The following NSD2 variants were observed in gnomAD, a reference collection of about 807,000 sequenced individuals.
The protein encoded by NSD2 is nuclear receptor binding SET domain protein 2, also known as histone-lysine N-methyltransferase NSD2.
A neutral mutation model predicts 139.0 loss-of-function variants in NSD2; 12 were observed. That is an observed-to-expected ratio of 0.09 (90% CI 0.06 to 0.14). NSD2 has a LOEUF of 0.14. Among genes scored for constraint, NSD2 ranks in the 10% least tolerant of loss-of-function variants. NSD2 has a pLI of 1.00. For synonymous variants in NSD2, 669 were observed against 648.7 expected (o/e 1.03, Z -0.48); for missense variants, 1,155 against 1,745.0 (o/e 0.66, Z 6.02).
At position 1,973,190 on chromosome 4, in the gene NSD2, CATCTGTAAGTCAGTTAAG is replaced by C. The variant is rs1424983020; in HGVS notation, c.3373-1670_3373-1653del. On this transcript the variant is annotated intron_variant, in intron 18 of 21. Transcript: ENST00000508803. This position sits in a 1 kb window ranked among gnomAD's most constrained non-coding sequence, Gnocchi z 5.5. Reference sequence around the variant, plus strand: ...TCTGATGTTTGGAATATCTAGGGAACATCTGTAAGTCAGTTAAGATAAATAAAACAGGGTCAAGACATG... The same window carrying C: ...TCTGATGTTTGGAATATCTAGGGAACATAAATAAAACAGGGTCAAGACATG... Among the ~76,000 whole-genome samples, 6 of 152,186 alleles carry C rather than the reference CATCTGTAAGTCAGTTAAG, an allele frequency of 3.9e-5. No individual in the cohort carries two copies. Among genetic ancestry groups the C allele is most frequent in the Non-Finnish European group, 7.3e-5 (5 of 68,040 alleles).
chr4:1,913,078 A>C (rs1169663884), intron 3 of NSD2, among the ~76,000 whole-genome samples: 1 of 152,248 alleles, frequency 6.6e-6, no homozygotes, highest in African/African-American at 2.4e-5. Flanking sequence ...AAATATTATA[A>C]CAATCTCTGT....
chr4:1,940,806 T>C lies in NSD2; in HGVS notation c.1881+1028T>C, dbSNP rs1183312988. On this transcript the variant is annotated intron_variant, in intron 9 of 21. Transcript: ENST00000508803. The stretch of plus-strand genomic sequence containing the variant: ...GGTGTGCCTCAGTTGTTTCCACTCA[T>C]TAGAGGAGTGTAGGCCTTCCAGTGC... The C allele has an allele frequency of 2.8e-6, 3 of 1,057,494 alleles. No individual in the cohort carries two copies. The East Asian group carries it at 1.6e-4, about 55-fold the overall frequency. The allele number at this position is 1,057,494 out of a possible 1,614,324, so 65.5% of individuals were successfully genotyped here.
intron 18 of NSD2, among the ~76,000 whole-genome samples, chr4:1,961,849 G>A (rs981676661): frequency 6.6e-6 from 1 of 152,198 alleles, no homozygotes; most frequent in Non-Finnish European, 1.5e-5. Context: ...GACTTCAGCT[G>A]GGGAAGTGTG....
chr4:1,933,297 A>G (rs1251155990), intron 6 of NSD2, among the ~76,000 whole-genome samples: 1 of 152,210 alleles, frequency 6.6e-6, no homozygotes. Flanking sequence ...GACCCTGTGG[A>G]GCTGAGCACT....
chr4:1,907,242 CACTTTT>C (rs1265561796), intron 3 of NSD2, among the ~76,000 whole-genome samples: 1 of 152,168 alleles, frequency 6.6e-6, no homozygotes, highest in Non-Finnish European at 1.5e-5. Flanking sequence ...TCATTATCCT[CACTTTT>C]ACTTTTAAAA....
chr4:1,938,165 A>G (rs1023759293), intron 7 of NSD2, among the ~76,000 whole-genome samples: 1 of 152,112 alleles, frequency 6.6e-6, no homozygotes, highest in South Asian at 2.1e-4. Context: ...GGCCCCACCC[A>G]CCTCGCCCTC....
In NSD2 at chr4:1,948,813, C is replaced by T; in HGVS notation, c.1882-2259C>T. Reference sequence around the variant, plus strand: ...TCTGAAATAAAAGGTGCTGTTCCTTCCTCTGACCCAGGACTGCTTTGTGTT... The same window carrying T: ...TCTGAAATAAAAGGTGCTGTTCCTTTCTCTGACCCAGGACTGCTTTGTGTT... On this transcript the variant is annotated intron_variant, in intron 9 of 21. Transcript: ENST00000508803. The surrounding 1 kb of genome is among the most constrained non-coding windows in gnomAD (Gnocchi z 4.5). 1 of 1,030,450 alleles carries T rather than the reference C, an allele frequency of 9.7e-7. No homozygotes were observed. The highest frequency in any genetic ancestry group is 1.2e-6 in the Non-Finnish European group (1 of 856,128). 63.8% of individuals were successfully genotyped at this position (1,030,450 alleles called of 1,614,324 possible).
intron 5 of NSD2, among the ~76,000 whole-genome samples, chr4:1,923,574 A>T (rs1720454147): frequency 6.6e-6 from 1 of 152,322 alleles, no homozygotes; most frequent in African/African-American, 2.4e-5. Flanking sequence ...ACAGCCAGGG[A>T]TTGAGAAGAT....
chr4:1,976,343 C>T lies in NSD2; in HGVS notation c.3622-132C>T. On this transcript the variant is annotated intron_variant, in intron 20 of 21. Transcript: ENST00000508803. This position sits in a 1 kb window ranked among gnomAD's most constrained non-coding sequence, Gnocchi z 5.3. ...TCTGGGGAGCACGAGGAGGACACTCCTCTCCTCTCCTCTTAGTGTTGGGCA... is the reference window on the plus strand; with the variant it reads ...TCTGGGGAGCACGAGGAGGACACTCTTCTCCTCTCCTCTTAGTGTTGGGCA... 3 of 961,464 alleles carry T rather than the reference C, an allele frequency of 3.1e-6. 1 individual carries two copies. The Admixed American group carries it at 7.0e-5, about 23-fold the overall frequency. The allele number at this position is 961,464 out of a possible 1,614,324, so 59.6% of individuals were successfully genotyped here.
intron 5 of NSD2, among the ~76,000 whole-genome samples, chr4:1,919,503 C>A (rs1274580595): frequency 6.6e-6 from 1 of 152,162 alleles, no homozygotes; most frequent in Non-Finnish European, 1.5e-5. Context: ...CCCCACTTCC[C>A]ACTTTTGGTT....
At chr4:1,899,729 C>T (rs372939339) in intron 1 of NSD2, among the ~76,000 whole-genome samples, 2 of 152,200 alleles carry the variant, frequency 1.3e-5, no homozygotes, top group East Asian at 3.9e-4. Flanking sequence ...AGGGAAGACC[C>T]CACACCAGCA....
At position 1,973,426 on chromosome 4, in the gene NSD2, T is replaced by TGAGGGGAG. The variant is rs1726702591; in HGVS notation, c.3373-1436_3373-1435insAGGGGAGG. 6.6e-6 allele frequency among the ~76,000 whole-genome samples: 1 copy of TGAGGGGAG among 152,202 alleles called. No homozygotes were observed. The highest frequency in any genetic ancestry group is 1.5e-5 in the Non-Finnish European group (1 of 68,036). Reference sequence around the variant, plus strand: ...TCCCCAGGGCCCTGCAGAAGTGGTGTGCATGCCAACGTGCACATCAGCACC... The same window carrying TGAGGGGAG: ...TCCCCAGGGCCCTGCAGAAGTGGTGTGAGGGGAGGCATGCCAACGTGCACATCAGCACC... On this transcript the variant is annotated intron_variant, in intron 18 of 21. Coordinates refer to ENST00000508803, the MANE Select transcript of NSD2 (RefSeq NM_001042424.3). This position sits in a 1 kb window ranked among gnomAD's most constrained non-coding sequence, Gnocchi z 5.5.
intron 3 of NSD2, among the ~76,000 whole-genome samples, chr4:1,913,598 C>G (rs1207725760): frequency 1.3e-5 from 2 of 150,478 alleles, no homozygotes; most frequent in Non-Finnish European, 3.0e-5. Context: ...GTAAGCTGTC[C>G]CCTCTCTCTC....
intron 6 of NSD2, among the ~76,000 whole-genome samples, chr4:1,931,631 C>T (rs947814833): frequency 8.5e-5 from 13 of 152,106 alleles, no homozygotes; most frequent in Middle Eastern, 3.2e-3. Context: ...GGCCCAGAAG[C>T]GAAAGGGTCT....
chr4:1,871,865 T>C (rs1241560254), intron 1 of NSD2, among the ~76,000 whole-genome samples: 5 of 110,128 alleles, frequency 4.5e-5, no homozygotes, highest in African/African-American at 1.7e-4. Flanking sequence ...CGGCGGCGGC[T>C]AACGGGGCCG....
intron 1 of NSD2, among the ~76,000 whole-genome samples, chr4:1,880,114 T>A: frequency 6.6e-6 from 1 of 152,126 alleles, no homozygotes; most frequent in East Asian, 1.9e-4. Context: ...TTAAAATATG[T>A]GTTAGAAATA....
intron 7 of NSD2, 43 bp from the exon 8 acceptor site, chr4:1,938,396 CTTTTCTTTTTTT>C (rs1722669898): frequency 2.0e-6 from 2 of 992,196 alleles, no homozygotes; most frequent in Non-Finnish European, 2.5e-6. Context: ...TCCTTTTTTT[CTTTTCTTTTTTT>C]TTTCTTTCTT....
At chr4:1,914,961 C>G (rs1199105907) in intron 3 of NSD2, among the ~76,000 whole-genome samples, 1 of 152,052 alleles carries the variant, frequency 6.6e-6, no homozygotes, top group Non-Finnish European at 1.5e-5. Flanking sequence ...TTCTCTGTTT[C>G]TCCAGAAAGC....
chr4:1,942,401 G>A lies in NSD2; in HGVS notation c.1881+2623G>A. 7 of 1,609,954 alleles carry A rather than the reference G, an allele frequency of 4.3e-6. No individual in the cohort carries two copies. Among genetic ancestry groups the A allele is most frequent in the Non-Finnish European group, 5.9e-6 (7 of 1,178,660 alleles). ...ACCCAGCTGCTCTGTACTGCACTTA[G>A]AATGATGTAATATTCCAGGATGCTG... is the stretch of plus-strand genomic sequence containing the variant. On this transcript the variant is annotated intron_variant, in intron 9 of 21. Coordinates refer to ENST00000508803, the MANE Select transcript of NSD2 (RefSeq NM_001042424.3). This position sits in a 1 kb window ranked among gnomAD's most constrained non-coding sequence, Gnocchi z 4.0.
Sources: allele counts gnomAD v4.1 joint callset (sites outside exome capture counted in the v4.1 genomes callset), GRCh38; gene constraint gnomAD v4.1.1; non-coding constraint Gnocchi (gnomAD v3.1); transcripts MANE v1.5; gene names NCBI Gene and HGNC (gene_info 2026-07-23, HGNC 2026-07-21).